Variants in CERS5 observed in about 807,000 individuals in gnomAD.
CERS5 encodes the protein LAG1 homolog, ceramide synthase 5.
CERS5 carries 37 observed loss-of-function variants against 58.9 expected under a neutral mutation model. The observed-to-expected ratio is 0.63, with a 90% CI of 0.48 to 0.83. CERS5 has a LOEUF of 0.83. Among genes scored for constraint, CERS5 ranks in the 40% least tolerant of loss-of-function variants. CERS5 has a pLI of 0.00. For synonymous variants in CERS5, 147 were observed against 177.8 expected, an observed-to-expected ratio of 0.83 and a Z score of 1.38; for missense variants, 398 against 489.3, an observed-to-expected ratio of 0.81 and a Z score of 1.76.
rs77325323 is a variant in CERS5 at position 50,140,623 on chromosome 12, C to T, written c.492+1430G>A. ...TTTCCATGTCTCTCATTACAATTGA[C>T]TTGTAATTTAATTCCGTTATGGTCA... On this transcript the variant is annotated intron_variant, in intron 4 of 9. Transcript: ENST00000317551. 2.8e-3 allele frequency among the ~76,000 whole-genome samples: 422 copies of T among 152,176 alleles called. 3 individuals are homozygous for T. Among genetic ancestry groups the T allele is most frequent in the African/African-American group, 9.9e-3 (413 of 41,508 alleles).
intron 5 of CERS5, 70 bp downstream of exon 5, chr12:50,138,497 G>T: frequency 7.7e-7 from 1 of 1,292,742 alleles, no homozygotes; most frequent in Non-Finnish European, 1.1e-6. Flanking sequence ...CTGGGGACTG[G>T]CAAAGGACCC....
chr12:50,134,431 T>A, intron 9 of CERS5, 115 bp downstream of exon 9: 1 of 1,606,120 alleles, frequency 6.2e-7, no homozygotes, highest in Non-Finnish European at 8.5e-7. Context: ...GCCCTAGGCT[T>A]TTTGCTTGGC....
chr12:50,163,178 G>A (rs1264339682), intron 1 of CERS5, among the ~76,000 whole-genome samples: 2 of 152,048 alleles, frequency 1.3e-5, no homozygotes, highest in East Asian at 3.9e-4. Flanking sequence ...GATTACAGGT[G>A]TGAGCCACCA....
chr12:50,159,039 C>T (rs760563865), intron 1 of CERS5, among the ~76,000 whole-genome samples: 14 of 151,852 alleles, frequency 9.2e-5, no homozygotes, highest in Non-Finnish European at 1.9e-4. Context: ...ATTACTCAAG[C>T]GGCCGGGCGC....
At chr12:50,148,513 C>T (rs1952434198) in intron 1 of CERS5, 1 of 326,178 alleles carries the variant, frequency 3.1e-6, no homozygotes, top group Non-Finnish European at 6.4e-6. Context: ...GAGAGGATCT[C>T]TTGAACTCGG....
chr12:50,167,312 G>T lies in CERS5; in HGVS notation c.-15C>A. 1 of 1,470,400 alleles carries T rather than the reference G, an allele frequency of 6.8e-7. No individual in the cohort carries two copies. The highest frequency in any genetic ancestry group is 8.9e-7 in the Non-Finnish European group (1 of 1,117,634). The allele number at this position is 1,470,400 out of a possible 1,614,324, so 91.1% of individuals were successfully genotyped here. On this transcript the variant is annotated 5_prime_UTR_variant, in exon 1 of 10. Transcript: ENST00000317551. ...GCTGTCGCCATCTTACGCCCACCCC[G>T]AAGCCACCGCCGCCACAAGCGTCAG...
At chr12:50,155,355 A>G (rs936160970) in intron 1 of CERS5, among the ~76,000 whole-genome samples, 6 of 151,946 alleles carry the variant, frequency 3.9e-5, no homozygotes, top group Admixed American at 3.9e-4. Flanking sequence ...AAGGTATTGC[A>G]CTTTTCAAGA....
At chr12:50,135,235 G>T (rs1951603814) in intron 8 of CERS5, among the ~76,000 whole-genome samples, 2 of 102,306 alleles carry the variant, frequency 2.0e-5, no homozygotes, top group African/African-American at 8.3e-5. Flanking sequence ...GGAGGACAGG[G>T]AGGGAGAGAG....
chr12:50,144,264 C>A, intron 1 of CERS5: 1 of 476,752 alleles, frequency 2.1e-6, no homozygotes. Context: ...CAGCCTCAGT[C>A]TCCCAAAATG....
rs373347023 is a variant in CERS5, at chr12:50,159,581, A to C, written c.197+7520T>G. 6.6e-5 allele frequency among the ~76,000 whole-genome samples: 10 copies of C among 152,222 alleles called. No homozygotes were observed. In the South Asian group the frequency reaches 1.2e-3, roughly 19 times the overall value. On this transcript the variant is annotated intron_variant, in intron 1 of 9. Transcript: ENST00000317551. ...CCAACAGAAATATAATGTGAGTCACATATGTAATTTAAAATTTTCTTTTCT... is the reference window on the plus strand; with the variant it reads ...CCAACAGAAATATAATGTGAGTCACCTATGTAATTTAAAATTTTCTTTTCT...
In CERS5 at chr12:50,135,782, C is replaced by G; in HGVS notation, c.822G>C (p.Val274=). The G allele has an allele frequency of 6.2e-7, 1 of 1,613,908 alleles. No homozygotes were observed. Among genetic ancestry groups the G allele is most frequent in the East Asian group, 2.2e-5 (1 of 44,876 alleles). Residue 274 remains valine (V), a synonymous_variant, in exon 8 of 10, where the codon GTG becomes GTC. Coordinates refer to ENST00000317551, the MANE Select transcript of CERS5 (RefSeq NM_147190.5). ...TAACCATAAAAACAGCACTGAAGAT[C>G]ACAAAAAGGGTGTCACAGAGCCGCT... ...KYQRLCDTLF[V]IFSAVFMVTR... is the part of the protein sequence containing the mutation.
At chr12:50,159,208 C>G (rs1368821775) in intron 1 of CERS5, among the ~76,000 whole-genome samples, 1 of 152,034 alleles carries the variant, frequency 6.6e-6, no homozygotes, top group East Asian at 1.9e-4. Flanking sequence ...GTAATCCCAG[C>G]TACTCAGGAG....
At chr12:50,142,954 T>C (rs1952053996) in intron 3 of CERS5, 120 bp downstream of exon 3, 4 of 1,094,522 alleles carry the variant, frequency 3.7e-6, no homozygotes, top group South Asian at 3.4e-5. Flanking sequence ...TAGGCTGAGT[T>C]AGTTCTCTAT....
intron 9 of CERS5, among the ~76,000 whole-genome samples, chr12:50,131,452 A>G (rs954740588): frequency 6.6e-6 from 1 of 150,970 alleles, no homozygotes; most frequent in African/African-American, 2.4e-5. Context: ...CCAGCTACTC[A>G]GGAGGCTGAG....
intron 1 of CERS5, among the ~76,000 whole-genome samples, chr12:50,151,684 CCT>C (rs1324360438): frequency 6.6e-6 from 1 of 152,174 alleles, no homozygotes; most frequent in Non-Finnish European, 1.5e-5. Flanking sequence ...ATGGAGTCTC[CCT>C]CTGTCACCTG....
chr12:50,135,126 G>A (rs1000046868), intron 8 of CERS5, among the ~76,000 whole-genome samples: 4 of 83,864 alleles, frequency 4.8e-5, no homozygotes, highest in East Asian at 9.2e-4. Context: ...GGGAGAGAGA[G>A]GAGAGGGAGG....
chr12:50,134,070 T>TAAAA (rs1951489374), intron 9 of CERS5: 1 of 25,792 alleles, frequency 3.9e-5, no homozygotes, highest in African/African-American at 7.7e-4. Flanking sequence ...AGATTCCATC[T>TAAAA]GAAAAAAAAA....
intron 1 of CERS5, among the ~76,000 whole-genome samples, chr12:50,157,072 G>C (rs1938740946): frequency 6.6e-6 from 1 of 152,140 alleles, no homozygotes; most frequent in African/African-American, 2.4e-5. Flanking sequence ...TGCCAGCATG[G>C]CAAGAGGCAG....
At chr12:50,149,375 A>T (rs1309496832) in intron 1 of CERS5, among the ~76,000 whole-genome samples, 1 of 152,160 alleles carries the variant, frequency 6.6e-6, no homozygotes, top group Non-Finnish European at 1.5e-5. Flanking sequence ...CCTGCTTTGT[A>T]GAGATCATTT....
Sources: allele counts gnomAD v4.1 joint callset (sites outside exome capture counted in the v4.1 genomes callset), GRCh38; gene constraint gnomAD v4.1.1; transcripts MANE v1.5; gene names NCBI Gene and HGNC (gene_info 2026-07-23, HGNC 2026-07-21).